SMAD1: variants seen among roughly 807,000 people sequenced by gnomAD.
SMAD1 encodes SMAD family member 1.
A neutral mutation model predicts 41.6 loss-of-function variants in SMAD1; 6 were observed. That is an observed-to-expected ratio of 0.14 (90% CI 0.08 to 0.28). The LOEUF is 0.28. Ranked by LOEUF, SMAD1 falls within the 10% of genes least tolerant of loss-of-function variation. The pLI, the probability that SMAD1 is intolerant of heterozygous loss-of-function variation, is 1.00. For synonymous variants in SMAD1, 206 were observed against 203.2 expected, an observed-to-expected ratio of 1.01 and a Z score of -0.12; for missense variants, 379 against 582.6, an observed-to-expected ratio of 0.65 and a Z score of 3.60.
At chr4:145,547,908 A>C (rs1249325860) in intron 5 of SMAD1, among the ~76,000 whole-genome samples, 1 of 152,184 alleles carries the variant, frequency 6.6e-6, no homozygotes, top group East Asian at 1.9e-4. Flanking sequence ...TGCCTGCTGA[A>C]AGGGCCCAGA....
chr4:145,495,593 G>C (rs942797935), intron 1 of SMAD1, among the ~76,000 whole-genome samples: 1 of 150,896 alleles, frequency 6.6e-6, no homozygotes, highest in Non-Finnish European at 1.5e-5. Flanking sequence ...ATAATCAGTG[G>C]GAATGTAAAG....
chr4:145,505,675 T>C (rs577002796), intron 1 of SMAD1, among the ~76,000 whole-genome samples: 2 of 152,006 alleles, frequency 1.3e-5, no homozygotes, highest in African/African-American at 4.8e-5. Context: ...ATAATCACTC[T>C]GAAGCCCACC....
chr4:145,520,688 G>A (rs528822348), intron 2 of SMAD1, among the ~76,000 whole-genome samples: 1 of 152,266 alleles, frequency 6.6e-6, no homozygotes, highest in South Asian at 2.1e-4. Flanking sequence ...TTAAGTGGGC[G>A]GGGAAGTTGG....
intron 2 of SMAD1, among the ~76,000 whole-genome samples, chr4:145,521,057 A>G (rs1250499426): frequency 1.3e-5 from 2 of 152,226 alleles, no homozygotes; most frequent in African/African-American, 4.8e-5. Flanking sequence ...ATGTGTGAAT[A>G]CTTACAGGAA....
chr4:145,552,233 A>G lies in SMAD1; in HGVS notation c.998-1551A>G, dbSNP rs183206130. Among the ~76,000 whole-genome samples, 304 of 152,334 alleles carry G rather than the reference A, an allele frequency of 2.0e-3. 3 individuals carry two copies. The Middle Eastern group carries it at 0.02, about 10-fold the overall frequency. ...CACACACTCTTAAATTGTTTTCTCT[A>G]TATCAGGCCAAAAAAATGGCCTTCT... is the stretch of plus-strand genomic sequence containing the variant. On this transcript the variant is annotated intron_variant, in intron 5 of 6. Transcript: ENST00000302085.
chr4:145,530,898 T>G (rs1412283651), intron 2 of SMAD1, among the ~76,000 whole-genome samples: 1 of 152,238 alleles, frequency 6.6e-6, no homozygotes, highest in Admixed American at 6.5e-5. Flanking sequence ...ATGGGTTACT[T>G]AGCTAGGCTG....
At chr4:145,553,708 T>C (rs1445620421) in intron 5 of SMAD1, 76 bp from the exon 6 acceptor site, 1 of 1,300,836 alleles carries the variant, frequency 7.7e-7, no homozygotes, top group Non-Finnish European at 1.1e-6. Flanking sequence ...TTTAAGTTTC[T>C]GTGTTGAAGC....
At chr4:145,486,040 C>T (rs955728364) in intron 1 of SMAD1, among the ~76,000 whole-genome samples, 1 of 152,120 alleles carries the variant, frequency 6.6e-6, no homozygotes, top group Non-Finnish European at 1.5e-5. Context: ...TTTGGTCTTT[C>T]GTTCAGAAGA....
At position 145,558,245 on chromosome 4, in the gene SMAD1, A is replaced by G. The variant is rs78720012; in HGVS notation, c.*311A>G. ...TGGCCAAGCCAGGGACAAATTGTCT[A>G]TTAGAAAACGGTCCTAAGAGATTCT... On this transcript the variant is annotated 3_prime_UTR_variant, in exon 7 of 7. Transcript: ENST00000302085. Among the ~76,000 whole-genome samples the G allele has an allele frequency of 0.05, 7,592 of 152,296 alleles. 240 individuals are homozygous for G. The highest frequency in any genetic ancestry group is 0.071 in the Non-Finnish European group (4,808 of 68,016).
chr4:145,553,756 C>G, intron 5 of SMAD1, 28 bp from the exon 6 acceptor site: 1 of 1,601,554 alleles, frequency 6.2e-7, no homozygotes, highest in East Asian at 2.2e-5. Flanking sequence ...TTAATAATAA[C>G]TAAATGGTAT....
intron 4 of SMAD1, 158 bp from the exon 5 acceptor site, chr4:145,546,545 C>T (rs1030329374): frequency 3.2e-5 from 20 of 626,508 alleles, no homozygotes; most frequent in Non-Finnish European, 5.5e-5. Flanking sequence ...TTAAGAAGTA[C>T]CTGCTTTAAA....
intron 2 of SMAD1, among the ~76,000 whole-genome samples, chr4:145,516,439 G>A (rs1302140895): frequency 6.6e-6 from 1 of 152,124 alleles, no homozygotes; most frequent in Non-Finnish European, 1.5e-5. Flanking sequence ...GTGCTCTTGA[G>A]CATAATATTA....
intron 1 of SMAD1, among the ~76,000 whole-genome samples, chr4:145,484,170 C>G (rs2126924643): frequency 6.6e-6 from 1 of 152,280 alleles, no homozygotes; most frequent in Middle Eastern, 3.4e-3. Context: ...AGTAATTAGA[C>G]TAGCATGTTT....
At chr4:145,509,138 G>A (rs1220044025) in intron 1 of SMAD1, among the ~76,000 whole-genome samples, 1 of 152,176 alleles carries the variant, frequency 6.6e-6, no homozygotes, top group Non-Finnish European at 1.5e-5. Flanking sequence ...TGGTATAATC[G>A]TATTATTTCT....
At chr4:145,537,391 A>G (rs1731667971) in intron 2 of SMAD1, among the ~76,000 whole-genome samples, 1 of 152,174 alleles carries the variant, frequency 6.6e-6, no homozygotes, top group Non-Finnish European at 1.5e-5. Flanking sequence ...GAGAATGAGT[A>G]AGTTAATGTG....
intron 6 of SMAD1, among the ~76,000 whole-genome samples, chr4:145,554,592 G>C (rs1337088366): frequency 6.6e-6 from 1 of 152,146 alleles, no homozygotes; most frequent in African/African-American, 2.4e-5. Context: ...CCTTGCCCAA[G>C]ATAAATAGAT....
chr4:145,495,616 CTTTT>C (rs58468364), intron 1 of SMAD1, among the ~76,000 whole-genome samples: 2 of 127,056 alleles, frequency 1.6e-5, no homozygotes, highest in Non-Finnish European at 1.7e-5. Flanking sequence ...AATTAATTTC[CTTTT>C]TTTTTTTTTT....
At chr4:145,487,062 A>G (rs1052310752) in intron 1 of SMAD1, among the ~76,000 whole-genome samples, 5 of 152,166 alleles carry the variant, frequency 3.3e-5, no homozygotes, top group Non-Finnish European at 5.9e-5. Flanking sequence ...AGAAATGCTT[A>G]TTTTCTACAT....
chr4:145,552,546 G>A (rs1732608597), intron 5 of SMAD1, among the ~76,000 whole-genome samples: 1 of 152,082 alleles, frequency 6.6e-6, no homozygotes, highest in South Asian at 2.1e-4. Flanking sequence ...AGCACTCTGG[G>A]TCTCACAGGA....
Sources: allele counts gnomAD v4.1 joint callset (sites outside exome capture counted in the v4.1 genomes callset), GRCh38; gene constraint gnomAD v4.1.1; transcripts MANE v1.5; gene names NCBI Gene and HGNC (gene_info 2026-07-23, HGNC 2026-07-21).